Variants in MTMR8 observed in about 807,000 individuals in gnomAD.
MTMR8 encodes the protein phosphatidylinositol-3,5-bisphosphate 3-phosphatase MTMR8.
In MTMR8, 65 loss-of-function variants were observed where a neutral mutation model predicts 39.3. That is an observed-to-expected ratio of 1.65 (90% CI 1.35 to 2.03). The LOEUF (loss-of-function observed/expected upper bound fraction) is 2.03, where lower values mean the gene tolerates loss of function less well. Ranked by LOEUF, MTMR8 falls within the 30% of genes most tolerant of loss-of-function variation. The pLI is 0.00. For missense variants in MTMR8, 777 were observed against 538.9 expected (o/e 1.44, Z -4.37); for synonymous variants, 245 against 185.2 (o/e 1.32, Z -2.62).
At chrX:64,370,685 G>A (rs1436035925) in intron 1 of MTMR8, among the ~76,000 whole-genome samples, 1 of 111,992 alleles carries the variant, frequency 8.9e-6, no homozygotes, top group African/African-American at 3.2e-5. Context: ...CAATGGTGGT[G>A]GGAGCAATAG....
chrX:64,359,348 G>C (rs1923714717), intron 2 of MTMR8, 57 bp downstream of exon 2: 5 of 1,100,418 alleles, frequency 4.5e-6, no homozygotes, highest in Non-Finnish European at 6.0e-6. Flanking sequence ...CTACCATATA[G>C]AGAGCATGTA....
intron 12 of MTMR8, among the ~76,000 whole-genome samples, chrX:64,327,648 C>T (rs1922833431): frequency 8.9e-6 from 1 of 112,005 alleles, no homozygotes; most frequent in African/African-American, 3.2e-5. Flanking sequence ...AGAGAACTGC[C>T]CTATGATCTA....
At chrX:64,276,463 A>T (rs1249386404) in intron 12 of MTMR8, among the ~76,000 whole-genome samples, 1 of 111,227 alleles carries the variant, frequency 9.0e-6, no homozygotes, top group African/African-American at 3.3e-5. Context: ...CTTTGTTCTC[A>T]TTGGTTTCAA....
chrX:64,352,003 G>A (rs753660192), intron 4 of MTMR8, among the ~76,000 whole-genome samples: 4 of 111,120 alleles, frequency 3.6e-5, no homozygotes, highest in Non-Finnish European at 7.6e-5. Context: ...CAATCAAATT[G>A]ACAATATTAA....
Position 64,328,837 on chromosome X carries a change from G to T in MTMR8, c.1416C>A (p.Asn472Lys), listed in dbSNP as rs774418378. 1 of 1,202,279 alleles carries T rather than the reference G, an allele frequency of 8.3e-7. No homozygotes were observed. Among genetic ancestry groups the T allele is most frequent in the Admixed American group, 2.2e-5 (1 of 44,698 alleles). The change falls in exon 12 of 14, where the codon AAC becomes AAA. Residue 472 changes from asparagine to lysine, a missense_variant. Physicochemically the swap from Asn to Lys is moderately conservative, Grantham distance 94. Coordinates refer to ENST00000374852, the MANE Select transcript of MTMR8 (RefSeq NM_017677.4). ...ACATAGTGAAGCCTTTATAGAGAGG[G>T]TTCCTGAAGTCTGGTTTCCTCTGAA... ...FLVQRKPDFR[N>K]PLYKGFTMYG...
intron 12 of MTMR8, among the ~76,000 whole-genome samples, chrX:64,288,696 T>G (rs929407516): frequency 5.4e-5 from 6 of 111,480 alleles, no homozygotes; most frequent in African/African-American, 9.8e-5. Context: ...CCATAAAAAA[T>G]GATGAGTTCA....
intron 3 of MTMR8, 133 bp downstream of exon 3, chrX:64,356,043 C>A (rs1923613964): frequency 8.2e-6 from 5 of 613,395 alleles, no homozygotes; most frequent in Non-Finnish European, 1.0e-5. Context: ...ATAACTTGCC[C>A]AAATATAATG....
chrX:64,384,302 C>T (rs1379639998), intron 1 of MTMR8, among the ~76,000 whole-genome samples: 5 of 110,643 alleles, frequency 4.5e-5, no homozygotes, highest in African/African-American at 9.8e-5. Flanking sequence ...TGAATGCCTC[C>T]AGGTTTTTCA....
At chrX:64,367,820 G>T (rs1385204073) in intron 1 of MTMR8, among the ~76,000 whole-genome samples, 1 of 111,484 alleles carries the variant, frequency 9.0e-6, no homozygotes, top group Non-Finnish European at 1.9e-5. Flanking sequence ...AAGTCAAATT[G>T]TCCCTGTTTG....
chrX:64,370,098 C>T (rs1421214716), intron 1 of MTMR8, among the ~76,000 whole-genome samples: 3 of 111,061 alleles, frequency 2.7e-5, no homozygotes, highest in Non-Finnish European at 3.8e-5. Flanking sequence ...CAAGAGGTAG[C>T]TTTTCATGGA....
chrX:64,385,638 A>C (rs1160844048), intron 1 of MTMR8, among the ~76,000 whole-genome samples: 2 of 111,347 alleles, frequency 1.8e-5, no homozygotes, highest in African/African-American at 6.5e-5. Context: ...GTGGAAGGTG[A>C]AGGGAGAGCA....
chrX:64,371,578 T>C (rs1924132378), intron 1 of MTMR8, among the ~76,000 whole-genome samples: 1 of 109,875 alleles, frequency 9.1e-6, no homozygotes, highest in African/African-American at 3.3e-5. Context: ...TCTTTATACA[T>C]AGCTGATTGC....
chrX:64,385,062 G>A (rs1030759678), intron 1 of MTMR8, among the ~76,000 whole-genome samples: 1 of 112,155 alleles, frequency 8.9e-6, no homozygotes, highest in Admixed American at 9.5e-5. Context: ...GTTAGAAGCA[G>A]CCATGCCATT....
intron 1 of MTMR8, among the ~76,000 whole-genome samples, chrX:64,389,378 C>T (rs1428155942): frequency 9.0e-6 from 1 of 111,342 alleles, no homozygotes; most frequent in East Asian, 2.8e-4. Context: ...CTCTCTAAAG[C>T]ACTTAAGTAT....
At chrX:64,363,081 T>A (rs1367833517) in intron 1 of MTMR8, among the ~76,000 whole-genome samples, 1 of 111,680 alleles carries the variant, frequency 9.0e-6, no homozygotes, top group East Asian at 2.8e-4. Flanking sequence ...ATGCCAAGTG[T>A]TGGTAGGGTT....
At chrX:64,324,862 C>T (rs1426530422) in intron 12 of MTMR8, among the ~76,000 whole-genome samples, 1 of 80,807 alleles carries the variant, frequency 1.2e-5, no homozygotes, top group Admixed American at 1.3e-4. Context: ...TAAAATAGAT[C>T]AATGAAACAA....
At chrX:64,363,635 A>C (rs1306733271) in intron 1 of MTMR8, among the ~76,000 whole-genome samples, 1 of 112,005 alleles carries the variant, frequency 8.9e-6, no homozygotes, top group African/African-American at 3.2e-5. Context: ...AATATGGCCG[A>C]ATAGGAACAG....
intron 1 of MTMR8, among the ~76,000 whole-genome samples, chrX:64,389,225 T>C (rs980325771): frequency 8.9e-6 from 1 of 111,791 alleles, no homozygotes; most frequent in Non-Finnish European, 1.9e-5. Context: ...ATGAAGAAAG[T>C]GAAGCCTAGA....
intron 1 of MTMR8, among the ~76,000 whole-genome samples, chrX:64,375,541 C>A (rs1434921003): frequency 9.0e-6 from 1 of 111,249 alleles, no homozygotes; most frequent in African/African-American, 3.3e-5. Flanking sequence ...TGAAATCTAA[C>A]CCCTGCCAAT....
Sources: gnomAD v4.1 joint callset for allele counts (sites outside exome capture counted in the v4.1 genomes callset) on GRCh38, gnomAD v4.1.1 for gene constraint, MANE v1.5 for transcripts, NCBI Gene and HGNC (gene_info 2026-07-23, HGNC 2026-07-21) for gene names.